The following ALDH3A2 variants were observed in gnomAD, a reference collection of about 807,000 sequenced individuals.
ALDH3A2 encodes the protein aldehyde dehydrogenase family 3 member A2.
Under a neutral mutation model 51.3 loss-of-function variants are expected in ALDH3A2, and 36 were observed. The ratio of observed to expected loss-of-function variants is 0.70; its 90% CI spans 0.54 to 0.93. ALDH3A2 has a LOEUF of 0.93. Among genes scored for constraint, ALDH3A2 ranks in the 40% least tolerant of loss-of-function variants. The probability of loss-of-function intolerance (pLI) is 0.00; values close to 1 mark genes in which losing one functional copy is unlikely to be tolerated. For synonymous variants in ALDH3A2, 199 were observed against 219.8 expected, an observed-to-expected ratio of 0.91 and a Z score of 0.84; for missense variants, 552 against 603.1, an observed-to-expected ratio of 0.92 and a Z score of 0.89.
At chr17:19,655,198 T>A (rs752435962) in intron 3 of ALDH3A2, 12 of 152,192 alleles carry the variant, frequency 7.9e-5, no homozygotes, top group Non-Finnish European at 1.5e-4. Flanking sequence ...CTTAAAAATA[T>A]CTTACCTGTA....
intron 8 of ALDH3A2, among the ~76,000 whole-genome samples, chr17:19,666,078 G>T (rs991343103): frequency 6.6e-6 from 1 of 152,062 alleles, no homozygotes; most frequent in African/African-American, 2.4e-5. Flanking sequence ...CCAATTGGTA[G>T]GTATTGCCAG....
Position 19,648,999 on chromosome 17 carries a change from C to T in ALDH3A2, c.28C>T (p.Gln10Ter), listed in dbSNP as rs72547554. Residue 10 changes from glutamine to a stop codon, truncating the protein, a stop_gained, in exon 1 of 10, where the codon CAG becomes TAG. Transcript: ENST00000176643. LOFTEE classifies it high-confidence loss of function. The part of the protein sequence containing the change: MELEVRRVR[Q>*]AFLSGRSRPL... ...GGAGCTCGAAGTCCGGCGGGTCCGACAGGCGTTCCTGTCCGGCCGGTCGCG... is the reference window on the plus strand; with the variant it reads ...GGAGCTCGAAGTCCGGCGGGTCCGATAGGCGTTCCTGTCCGGCCGGTCGCG... The T allele has an allele frequency of 3.8e-6, 6 of 1,585,802 alleles. No homozygotes were observed. The highest frequency in any genetic ancestry group is 5.1e-6 in the Non-Finnish European group (6 of 1,166,862).
At chr17:19,673,360 TTG>T in intron 9 of ALDH3A2, 1 of 1,435,124 alleles carries the variant, frequency 7.0e-7, no homozygotes, top group Non-Finnish European at 9.3e-7. Flanking sequence ...GTTTTTGTTT[TTG>T]TTTTTGTTTT....
intron 7 of ALDH3A2, among the ~76,000 whole-genome samples, chr17:19,664,401 A>G (rs1207492856): frequency 1.3e-5 from 2 of 152,188 alleles, no homozygotes; most frequent in Admixed American, 6.5e-5. Context: ...CTGGCACCCA[A>G]GGGTAAATGA....
At chr17:19,675,285 T>G in intron 9 of ALDH3A2, 1 of 449,500 alleles carries the variant, frequency 2.2e-6, no homozygotes, top group South Asian at 4.3e-5. Flanking sequence ...ACTCTGACAT[T>G]AGCTAGTTGA....
In ALDH3A2 at chr17:19,671,734, G is replaced by T; in HGVS notation, c.1221G>T (p.Met407Ile). Residue 407 changes from methionine to isoleucine, a missense_variant, in exon 9 of 10, where the codon ATG becomes ATT. Met to Ile is a conservative substitution (Grantham distance 10, BLOSUM62 1). Transcript: ENST00000176643. The part of the protein sequence containing the change: ...FPFGGVGSSG[M>I]GAYHGKHSFD... ...CCTTTATTTCAGGTTCCAGTGGGAT[G>T]GGAGCTTATCACGGAAAACATAGTT... The T allele has an allele frequency of 6.2e-7, 1 of 1,613,914 alleles. No individual in the cohort carries two copies.
At chr17:19,652,407 T>C (rs1464897361) in intron 2 of ALDH3A2, 140 bp from the exon 3 acceptor site, 4 of 675,580 alleles carry the variant, frequency 5.9e-6, no homozygotes, top group Admixed American at 2.3e-5. Flanking sequence ...TGAGCTCTTA[T>C]GCTAATTATG....
At chr17:19,662,211 C>T (rs547243451) in intron 6 of ALDH3A2, 3 of 152,238 alleles carry the variant, frequency 2.0e-5, no homozygotes, top group African/African-American at 7.2e-5. Flanking sequence ...TCCTGATTAG[C>T]TTATAGACTA....
At position 19,660,261 on chromosome 17, in the gene ALDH3A2, G is replaced by C. The variant is rs182118167; in HGVS notation, c.799-866G>C. Among the ~76,000 whole-genome samples the C allele has an allele frequency of 6.6e-5, 10 of 151,988 alleles. 1 individual carries two copies. Among genetic ancestry groups the C allele is most frequent in the Admixed American group, 6.6e-4 (10 of 15,264 alleles). On this transcript the variant is annotated intron_variant, in intron 5 of 9. Coordinates refer to ENST00000176643, the MANE Select transcript of ALDH3A2 (RefSeq NM_000382.3). ...GCCTTACCCTCCAAAGATTCAGCTCGTCTGAGGCCTCCAGGTGATTCTATG... is the reference window on the plus strand; with the variant it reads ...GCCTTACCCTCCAAAGATTCAGCTCCTCTGAGGCCTCCAGGTGATTCTATG...
intron 8 of ALDH3A2, among the ~76,000 whole-genome samples, chr17:19,666,869 A>G (rs774825109): frequency 1.8e-4 from 27 of 151,478 alleles, no homozygotes; most frequent in Non-Finnish European, 3.4e-4. Context: ...AATTAAAAAT[A>G]CAAAAAGAAG....
chr17:19,667,649 C>G (rs934819590), intron 8 of ALDH3A2, among the ~76,000 whole-genome samples: 2 of 151,988 alleles, frequency 1.3e-5, no homozygotes, highest in Non-Finnish European at 2.9e-5. Context: ...ACCTCCAACT[C>G]CTGGGTTCTA....
rs1270864096 is a variant in ALDH3A2 at position 19,671,897 on chromosome 17, G to A, written c.1384G>A (p.Glu462Lys). Residue 462 changes from glutamate to lysine, a missense_variant, in exon 9 of 10, where the codon GAA becomes AAA. Physicochemically the swap from Glu to Lys is moderately conservative, Grantham distance 56. Transcript: ENST00000176643. ...KFFLLKRFNK[E>K]KLGLLLLTFL... is the part of the protein sequence containing the mutation. ...TTTTCTCTTGAAACGGTTCAACAAA[G>A]AAAAACTCGGTCTCCTGTTGCTCAC... 2.1e-5 allele frequency: 34 copies of A among 1,614,068 alleles called. No individual in the cohort carries two copies. Among genetic ancestry groups the A allele is most frequent in the Non-Finnish European group, 2.9e-5 (34 of 1,180,040 alleles).
intron 9 of ALDH3A2, 110 bp from the exon 10 acceptor site, chr17:19,675,448 C>G: frequency 9.0e-7 from 1 of 1,114,028 alleles, no homozygotes; most frequent in Non-Finnish European, 1.4e-6. Flanking sequence ...TGTAGAGTCT[C>G]TTCAGACAGG....
At chr17:19,661,927 C>A (rs1485624723) in intron 6 of ALDH3A2, 1 of 151,688 alleles carries the variant, frequency 6.6e-6, no homozygotes, top group African/African-American at 2.4e-5. Context: ...AGAATTGATT[C>A]TCTTATAATT....
At chr17:19,659,870 T>C (rs1597560361) in intron 5 of ALDH3A2, among the ~76,000 whole-genome samples, 1 of 150,890 alleles carries the variant, frequency 6.6e-6, no homozygotes, top group East Asian at 1.9e-4. Context: ...GAGAAAATTA[T>C]GTACCAGGAA....
rs1429972862 is a variant in ALDH3A2 at position 19,649,000 on chromosome 17, A to T, written c.29A>T (p.Gln10Leu). Reference protein sequence around the residue: MELEVRRVRQAFLSGRSRPL... With the variant: MELEVRRVRLAFLSGRSRPL... ...GAGCTCGAAGTCCGGCGGGTCCGAC[A>T]GGCGTTCCTGTCCGGCCGGTCGCGA... Residue 10 changes from glutamine to leucine, a missense_variant, in exon 1 of 10, where the codon CAG becomes CTG. Coordinates refer to ENST00000176643, the MANE Select transcript of ALDH3A2 (RefSeq NM_000382.3). 1.8e-5 allele frequency: 28 copies of T among 1,585,596 alleles called. No individual in the cohort carries two copies. The highest frequency in any genetic ancestry group is 2.7e-5 in the African/African-American group (2 of 74,672).
At chr17:19,674,450 GAGAAGCAGCAATATATAAA>G (rs1162251899) in intron 9 of ALDH3A2, 4 of 152,184 alleles carry the variant, frequency 2.6e-5, no homozygotes, top group Admixed American at 6.5e-5. Context: ...TGAGGGTCTA[GAGAAGCAGCAATATATAAA>G]AGAAGCAGCA....
At chr17:19,659,009 A>G (rs568379742) in intron 5 of ALDH3A2, among the ~76,000 whole-genome samples, 1 of 152,266 alleles carries the variant, frequency 6.6e-6, no homozygotes, top group East Asian at 1.9e-4. Context: ...AGACAGGTTG[A>G]TCACTTGAGG....
intron 8 of ALDH3A2, among the ~76,000 whole-genome samples, chr17:19,669,789 C>T (rs2085087513): frequency 6.6e-6 from 1 of 152,132 alleles, no homozygotes; most frequent in Non-Finnish European, 1.5e-5. Context: ...GGTGCACCAC[C>T]ATGCCTGGCT....
Sources: allele counts gnomAD v4.1 joint callset (sites outside exome capture counted in the v4.1 genomes callset), GRCh38; gene constraint gnomAD v4.1.1; transcripts MANE v1.5; gene names NCBI Gene and HGNC (gene_info 2026-07-23, HGNC 2026-07-21).